The following TRPM2 variants were observed in gnomAD, a reference collection of about 807,000 sequenced individuals.
The protein encoded by TRPM2 is estrogen-responsive element-associated gene 1 protein.
A neutral mutation model predicts 174.0 loss-of-function variants in TRPM2; 161 were observed. The ratio of observed to expected loss-of-function variants is 0.93; its 90% CI spans 0.81 to 1.05. TRPM2 has a LOEUF of 1.05. Ranked by LOEUF, TRPM2 falls within the 50% of genes least tolerant of loss-of-function variation. The pLI is 0.00. For missense variants in TRPM2, 2,057 were observed against 2,038.0 expected (o/e 1.01, Z -0.18); for synonymous variants, 954 against 861.3 (o/e 1.11, Z -1.88).
Position 44,399,862 on chromosome 21 carries a change from C to G in TRPM2, c.2209-397C>G, listed in dbSNP as rs45521035. Reference sequence around the variant, plus strand: ...TGGAACCCCCGGCAGGGCCTGGCTCCCAGCGAGTGCCCCTTGCACGCTGGG... The same window carrying G: ...TGGAACCCCCGGCAGGGCCTGGCTCGCAGCGAGTGCCCCTTGCACGCTGGG... On this transcript the variant is annotated intron_variant, in intron 14 of 31. Coordinates refer to ENST00000397928, the MANE Select transcript of TRPM2 (RefSeq NM_003307.4). The surrounding 1 kb of genome is among the most constrained non-coding windows in gnomAD (Gnocchi z 4.6). Among the ~76,000 whole-genome samples, 5,798 of 152,256 alleles carry G rather than the reference C, an allele frequency of 0.038. 315 individuals are homozygous for G. Among genetic ancestry groups the G allele is most frequent in the African/African-American group, 0.12 (4,856 of 41,548 alleles).
At position 44,413,943 on chromosome 21, in the gene TRPM2, G is replaced by A. The variant is rs2146329309; in HGVS notation, c.3015G>A (p.Lys1005=). Reference sequence around the variant, plus strand: ...GCCCCAATGGCACCGACCCCTACAAGCCTAAGTGCCCCGAGAGCGACGCGA... The same window carrying A: ...GCCCCAATGGCACCGACCCCTACAAACCTAAGTGCCCCGAGAGCGACGCGA... ...HCSPNGTDPY[K]PKCPESDATQ... is the part of the protein sequence containing the mutation. Residue 1005 remains lysine (K), a synonymous_variant, in exon 20 of 32, where the codon AAG becomes AAA. Coordinates refer to ENST00000397928, the MANE Select transcript of TRPM2 (RefSeq NM_003307.4). 1 of 1,613,992 alleles carries A rather than the reference G, an allele frequency of 6.2e-7. No homozygotes were observed. Among genetic ancestry groups the A allele is most frequent in the Middle Eastern group, 1.6e-4 (1 of 6,062 alleles).
intron 2 of TRPM2, among the ~76,000 whole-genome samples, chr21:44,355,200 G>A (rs1244301138): frequency 6.7e-6 from 1 of 150,060 alleles, no homozygotes; most frequent in Non-Finnish European, 1.5e-5. Flanking sequence ...GCCCCACAGA[G>A]CCCCCTTTGC....
Position 44,424,906 on chromosome 21 carries a change from G to A in TRPM2, c.3604G>A (p.Gly1202Ser), listed in dbSNP as rs146311210. 1.9e-5 allele frequency: 31 copies of A among 1,608,344 alleles called. No individual in the cohort carries two copies. The African/African-American group carries it at 3.7e-4, about 19-fold the overall frequency. The change falls in exon 24 of 32, where the codon GGC (glycine) becomes AGC (serine). Residue 1202 changes from glycine (G) to serine (S), a missense_variant. Gly to Ser is a moderately conservative substitution (Grantham distance 56, BLOSUM62 0). Coordinates refer to ENST00000397928, the MANE Select transcript of TRPM2 (RefSeq NM_003307.4). ...GATCGTGAGGACGCTGCGGGCCAGC[G>A]GCTTCAGCTCGGAGGCGGACGTCCC... ...HWIVRTLRAS[G>S]FSSEADVPTL...
chr21:44,375,126 T>C (rs962217449), intron 5 of TRPM2, among the ~76,000 whole-genome samples: 2 of 152,178 alleles, frequency 1.3e-5, no homozygotes, highest in African/African-American at 4.8e-5. Flanking sequence ...TCCAGGCTGG[T>C]CTCGAACTCC....
intron 11 of TRPM2, among the ~76,000 whole-genome samples, chr21:44,393,080 C>A (rs973866064): frequency 1.3e-5 from 2 of 152,094 alleles, no homozygotes; most frequent in Admixed American, 1.3e-4. Context: ...TCAATAGGAA[C>A]CCTGCCCTAG....
At chr21:44,398,373 G>A (rs1161387584) in intron 13 of TRPM2, among the ~76,000 whole-genome samples, 1 of 151,952 alleles carries the variant, frequency 6.6e-6, no homozygotes, top group East Asian at 1.9e-4. Context: ...GCTAATTTTT[G>A]TATTTTTAAT....
chr21:44,415,312 G>C (rs1459572267), intron 20 of TRPM2: 1 of 152,250 alleles, frequency 6.6e-6, no homozygotes, highest in Non-Finnish European at 1.5e-5. Flanking sequence ...GGGAGGGTGG[G>C]GTTAAGTGGA....
At chr21:44,374,016 T>C (rs2048622192) in intron 5 of TRPM2, among the ~76,000 whole-genome samples, 2 of 137,572 alleles carry the variant, frequency 1.5e-5, no homozygotes, top group Admixed American at 7.1e-5. Context: ...TCTCTCTCTC[T>C]TTTTTTTTTT....
intron 19 of TRPM2, among the ~76,000 whole-genome samples, chr21:44,410,528 ACC>A (rs1309032688): frequency 3.6e-5 from 2 of 55,318 alleles, no homozygotes; most frequent in Non-Finnish European, 4.2e-5. Context: ...GTAAGTTTTG[ACC>A]GCACTGTCTT....
At chr21:44,392,909 T>A (rs2146247312) in intron 11 of TRPM2, among the ~76,000 whole-genome samples, 1 of 152,020 alleles carries the variant, frequency 6.6e-6, no homozygotes, top group East Asian at 1.9e-4. Context: ...TGTGGGAGAG[T>A]GGATGCTGTA....
At chr21:44,369,015 C>A in intron 4 of TRPM2, 162 bp from the exon 5 acceptor site, 1 of 736,188 alleles carries the variant, frequency 1.4e-6, no homozygotes, top group Non-Finnish European at 2.1e-6. Context: ...GTGGGAACCT[C>A]GGTTCCTTAC....
intron 16 of TRPM2, among the ~76,000 whole-genome samples, chr21:44,404,162 CATAT>C (rs565163859): frequency 2.0e-4 from 30 of 149,094 alleles, no homozygotes; most frequent in Admixed American, 5.3e-4. Flanking sequence ...GACACATACA[CATAT>C]ATACACATGC....
Position 44,368,431 on chromosome 21 carries a change from TG to T in TRPM2, c.605-745del, listed in dbSNP as rs1318337207. Among the ~76,000 whole-genome samples, 2 of 146,960 alleles carry T rather than the reference TG, an allele frequency of 1.4e-5. 1 individual carries two copies. The highest frequency in any genetic ancestry group is 4.1e-4 in the East Asian group (2 of 4,824). Reference sequence around the variant, plus strand: ...TGATTGGCTGTTTTTTTTATTTTTTTGTTTTTTTTTTGGAGTTGGAGTCTTG... The same window carrying T: ...TGATTGGCTGTTTTTTTTATTTTTTTTTTTTTTTTTGGAGTTGGAGTCTTG... On this transcript the variant is annotated intron_variant, in intron 4 of 31. Transcript: ENST00000397928.
chr21:44,412,178 T>C (rs1293424820), intron 19 of TRPM2, among the ~76,000 whole-genome samples: 1 of 152,226 alleles, frequency 6.6e-6, no homozygotes, highest in African/African-American at 2.4e-5. Context: ...GTTTTAATTC[T>C]TCCGTGAACA....
At chr21:44,401,641 C>A in intron 15 of TRPM2, 40 bp from the exon 16 acceptor site, 1 of 1,602,366 alleles carries the variant, frequency 6.2e-7, no homozygotes, top group Non-Finnish European at 8.5e-7. Context: ...GGACCCTGGC[C>A]CTGGTGGTCA....
chr21:44,423,607 G>A (rs1195991152), intron 22 of TRPM2, 38 bp from the exon 23 acceptor site: 1 of 1,575,660 alleles, frequency 6.3e-7, no homozygotes, highest in East Asian at 2.3e-5. Flanking sequence ...GGGCCCCAAG[G>A]TGTGGTGTGC....
chr21:44,370,518 C>T (rs1439582221), intron 5 of TRPM2, among the ~76,000 whole-genome samples: 2 of 152,290 alleles, frequency 1.3e-5, no homozygotes, highest in East Asian at 3.9e-4. Flanking sequence ...CCTGAATCCA[C>T]GTGGTCAGGA....
chr21:44,373,834 A>G (rs1323688065), intron 5 of TRPM2, among the ~76,000 whole-genome samples: 3 of 152,208 alleles, frequency 2.0e-5, no homozygotes, highest in African/African-American at 7.2e-5. Flanking sequence ...TGCTCTCCAC[A>G]AAACTGCACA....
At chr21:44,364,522 T>C (rs1294241320) in intron 3 of TRPM2, among the ~76,000 whole-genome samples, 2 of 152,094 alleles carry the variant, frequency 1.3e-5, no homozygotes, top group African/African-American at 4.8e-5. Flanking sequence ...GTGAGCTTTC[T>C]AGGAAGGTGC....
Sources: gnomAD v4.1 joint callset for allele counts (sites outside exome capture counted in the v4.1 genomes callset) on GRCh38, gnomAD v4.1.1 for gene constraint, Gnocchi (gnomAD v3.1) non-coding constraint, MANE v1.5 for transcripts, NCBI Gene and HGNC (gene_info 2026-07-23, HGNC 2026-07-21) for gene names.